Variants in CIMIP5 observed in about 807,000 individuals in gnomAD.
CIMIP5 encodes the protein uncharacterized protein C2orf50.
At chr2:11,141,994 G>C in the CIMIP5 span, among the ~76,000 whole-genome samples, 1 of 152,014 alleles carries the variant, frequency 6.6e-6, no homozygotes, top group Non-Finnish European at 1.5e-5. Context: ...AGCTGGATGC[G>C]GTGGCTCACG....
At chr2:11,136,978 C>A in the CIMIP5 span, among the ~76,000 whole-genome samples, 1 of 152,164 alleles carries the variant, frequency 6.6e-6, no homozygotes, top group African/African-American at 2.4e-5. Context: ...TTTTGCAAGG[C>A]CTGGAAAGCC....
At chr2:11,137,220 A>G in the CIMIP5 span, among the ~76,000 whole-genome samples, 1 of 152,114 alleles carries the variant, frequency 6.6e-6, no homozygotes, top group African/African-American at 2.4e-5. Context: ...TAAAAACACA[A>G]AAATTAGCCA....
At chr2:11,149,741 AAAT>A in the CIMIP5 span, among the ~76,000 whole-genome samples, 1 of 152,062 alleles carries the variant, frequency 6.6e-6, no homozygotes, top group Non-Finnish European at 1.5e-5. Flanking sequence ...AATAAAATAA[AAAT>A]AAAAAAAGTC....
the CIMIP5 span, chr2:11,140,413 C>A: frequency 4.2e-6 from 3 of 714,688 alleles, no homozygotes; most frequent in Non-Finnish European, 6.7e-6. Flanking sequence ...TTAGTTCTTC[C>A]ACGTGATACA....
chr2:11,137,859 A>C, the CIMIP5 span, among the ~76,000 whole-genome samples: 6 of 152,008 alleles, frequency 3.9e-5, no homozygotes, highest in African/African-American at 9.7e-5. Flanking sequence ...TTCTTTCTTT[A>C]TTTTGAGACG....
the CIMIP5 span, among the ~76,000 whole-genome samples, chr2:11,148,732 CTTT>C: frequency 2.5e-4 from 9 of 35,540 alleles, no homozygotes; most frequent in Admixed American, 2.5e-3. Flanking sequence ...AATGAAAACT[CTTT>C]TTTTTTTTTT....
the CIMIP5 span, chr2:11,145,803 C>T: frequency 2.6e-5 from 4 of 152,222 alleles, no homozygotes; most frequent in African/African-American, 9.7e-5. Context: ...GCCTGGAGCC[C>T]TGAGTGAGCT....
chr2:11,145,407 AGGCATCT>A, the CIMIP5 span: 1 of 152,280 alleles, frequency 6.6e-6, no homozygotes, highest in Non-Finnish European at 1.5e-5. Flanking sequence ...CTGGGATTAC[AGGCATCT>A]GGTTTCACTT....
chr2:11,152,915 C>T, the CIMIP5 span, among the ~76,000 whole-genome samples: 1 of 152,194 alleles, frequency 6.6e-6, no homozygotes, highest in South Asian at 2.1e-4. Flanking sequence ...AAAGCCAGTG[C>T]CCACAAATCC....
At chr2:11,144,052 T>G in the CIMIP5 span, 1 of 1,603,092 alleles carries the variant, frequency 6.2e-7, no homozygotes, top group Non-Finnish European at 8.5e-7. Context: ...CCGCATGGAC[T>G]TCTTCTTCAC....
the CIMIP5 span, among the ~76,000 whole-genome samples, chr2:11,142,729 T>TC: frequency 2.0e-3 from 302 of 149,210 alleles, 1 homozygote; most frequent in African/African-American, 7.0e-3. Context: ...TTTTTTTTTT[T>TC]TTTTTTTTGA....
At chr2:11,139,689 A>C in the CIMIP5 span, among the ~76,000 whole-genome samples, 1 of 152,174 alleles carries the variant, frequency 6.6e-6, no homozygotes, top group Non-Finnish European at 1.5e-5. Flanking sequence ...GTGACATCAT[A>C]TTTGTCGTTC....
chr2:11,133,310 GCACACA>G, the CIMIP5 span: 6 of 1,356,366 alleles, frequency 4.4e-6, no homozygotes, highest in African/African-American at 1.5e-5. Flanking sequence ...TGACACAAGC[GCACACA>G]CACACACACA....
At chr2:11,142,266 CAAAAAA>C in the CIMIP5 span, among the ~76,000 whole-genome samples, 4 of 84,654 alleles carry the variant, frequency 4.7e-5, no homozygotes, top group East Asian at 7.2e-4. Flanking sequence ...AATTCAGTCT[CAAAAAA>C]AAAAAAAAAA....
At chr2:11,148,779 A>G in the CIMIP5 span, among the ~76,000 whole-genome samples, 2 of 122,626 alleles carry the variant, frequency 1.6e-5, no homozygotes, top group Admixed American at 2.1e-4. Flanking sequence ...CTCGTCCCCC[A>G]GGCTGGAGTG....
At chr2:11,150,997 G>A in the CIMIP5 span, among the ~76,000 whole-genome samples, 30 of 152,274 alleles carry the variant, frequency 2.0e-4, no homozygotes, top group African/African-American at 7.0e-4. Context: ...GCTCACCTGA[G>A]AGAAATGCTT....
the CIMIP5 span, among the ~76,000 whole-genome samples, chr2:11,141,282 C>T: frequency 2.0e-5 from 3 of 152,220 alleles, no homozygotes; most frequent in Middle Eastern, 0.01. Flanking sequence ...GTGCACACCA[C>T]CATGCCTGGC....
At chr2:11,151,585 G>T in the CIMIP5 span, among the ~76,000 whole-genome samples, 1 of 152,254 alleles carries the variant, frequency 6.6e-6, no homozygotes, top group African/African-American at 2.4e-5. Flanking sequence ...ACTCAAATCA[G>T]TCTCCCTGAG....
chr2:11,135,969 A>G, the CIMIP5 span, among the ~76,000 whole-genome samples: 2 of 151,778 alleles, frequency 1.3e-5, no homozygotes, highest in South Asian at 2.1e-4. Flanking sequence ...CATTTTTTCA[A>G]TTGGGTTATT....
Sources: allele counts gnomAD v4.1 joint callset (sites outside exome capture counted in the v4.1 genomes callset), GRCh38; gene constraint gnomAD v4.1.1; transcripts MANE v1.5; gene names NCBI Gene and HGNC (gene_info 2026-07-23, HGNC 2026-07-21).